SLC30A9: variants seen among roughly 807,000 people sequenced by gnomAD.
The protein encoded by SLC30A9 is solute carrier family 30 member 9.
In SLC30A9, 58 loss-of-function variants were observed where a neutral mutation model predicts 87.5. That is an observed-to-expected ratio of 0.66 (90% CI 0.54 to 0.82). SLC30A9 has a LOEUF of 0.82. Among genes scored for constraint, SLC30A9 ranks in the 40% least tolerant of loss-of-function variants. The probability of loss-of-function intolerance (pLI) is 0.00; values close to 1 mark genes in which losing one functional copy is unlikely to be tolerated. For missense variants in SLC30A9, 557 were observed against 679.1 expected (o/e 0.82, Z 2.00); for synonymous variants, 234 against 233.0 (o/e 1.00, Z -0.04).
At chr4:41,994,370 A>G (rs1004254727) in intron 1 of SLC30A9, among the ~76,000 whole-genome samples, 1 of 152,038 alleles carries the variant, frequency 6.6e-6, no homozygotes, top group African/African-American at 2.4e-5. Flanking sequence ...TGTAGTAAGT[A>G]TATCCTTTTT....
At chr4:42,074,949 ATAAG>A (rs1718460536) in intron 15 of SLC30A9, among the ~76,000 whole-genome samples, 1 of 144,728 alleles carries the variant, frequency 6.9e-6, no homozygotes, top group Non-Finnish European at 1.5e-5. Flanking sequence ...TAGGAAATTG[ATAAG>A]TAGATATATG....
At position 42,070,671 on chromosome 4, in the gene SLC30A9, G is replaced by A. The variant is rs1718279974; in HGVS notation, c.1398G>A (p.Leu466=). Residue 466 remains leucine, a synonymous_variant, in exon 15 of 18, where the codon CTG becomes CTA. Coordinates refer to ENST00000264451, the MANE Select transcript of SLC30A9 (RefSeq NM_006345.4). ...AAGTACAACGGCTCACTGAACTCCT[G>A]GAGAATGACCCATCAGTAAGGTCAG... The part of the protein sequence containing the change: ...PEQVQRLTEL[L]ENDPSVRAIH... 1 of 1,613,578 alleles carries A rather than the reference G, an allele frequency of 6.2e-7. No homozygotes were observed. The highest frequency in any genetic ancestry group is 1.3e-5 in the African/African-American group (1 of 74,896).
At chr4:41,999,842 AG>A (rs1466279366) in intron 1 of SLC30A9, among the ~76,000 whole-genome samples, 3 of 152,062 alleles carry the variant, frequency 2.0e-5, no homozygotes, top group Non-Finnish European at 2.9e-5. Flanking sequence ...TTTGATATTA[AG>A]GTTTTTTTTT....
chr4:42,030,218 C>G, intron 6 of SLC30A9: 1 of 291,114 alleles, frequency 3.4e-6, no homozygotes, highest in South Asian at 5.8e-5. Flanking sequence ...ATGTATGGGA[C>G]CTACACTTAA....
intron 6 of SLC30A9, among the ~76,000 whole-genome samples, chr4:42,024,089 A>C (rs1210239450): frequency 1.3e-5 from 2 of 152,180 alleles, no homozygotes; most frequent in Non-Finnish European, 2.9e-5. Context: ...TTTTTTACAG[A>C]AGGGTCTATT....
intron 7 of SLC30A9, among the ~76,000 whole-genome samples, chr4:42,037,377 G>T (rs1413810675): frequency 3.4e-5 from 5 of 147,898 alleles, no homozygotes; most frequent in African/African-American, 1.2e-4. Context: ...TGCTCCTCTG[G>T]TATTTAATTT....
At chr4:42,060,753 AT>A (rs890965761) in intron 10 of SLC30A9, among the ~76,000 whole-genome samples, 18 of 152,072 alleles carry the variant, frequency 1.2e-4, no homozygotes, top group African/African-American at 3.4e-4. Flanking sequence ...TGATACAGAG[AT>A]TTTTTTCTAT....
Position 42,087,327 on chromosome 4 carries a change from AAT to A in SLC30A9, c.*1202_*1203del, listed in dbSNP as rs1295365184. ...CAAAACAACTCATAACATACTTTAA[AAT>A]GTTCAGGTAGCAGTGAGCATTGTTC... On this transcript the variant is annotated 3_prime_UTR_variant, in exon 18 of 18. Coordinates refer to ENST00000264451, the MANE Select transcript of SLC30A9 (RefSeq NM_006345.4). 1 of 152,184 alleles carries A rather than the reference AAT, an allele frequency of 6.6e-6. No individual in the cohort carries two copies. The highest frequency in any genetic ancestry group is 1.5e-5 in the Non-Finnish European group (1 of 68,028). 9.4% of individuals were successfully genotyped at this position (152,184 alleles called of 1,614,324 possible).
intron 16 of SLC30A9, among the ~76,000 whole-genome samples, chr4:42,076,005 CT>C (rs1392303017): frequency 6.6e-6 from 1 of 151,948 alleles, no homozygotes; most frequent in African/African-American, 2.4e-5. Flanking sequence ...TGCATTTAAT[CT>C]TTTTTTATCT....
chr4:42,035,628 G>T (rs1238737152), intron 7 of SLC30A9, among the ~76,000 whole-genome samples: 1 of 151,870 alleles, frequency 6.6e-6, no homozygotes, highest in Non-Finnish European at 1.5e-5. Context: ...CTCCCGAGCA[G>T]CTGGGACCAC....
intron 15 of SLC30A9, among the ~76,000 whole-genome samples, chr4:42,074,115 A>C (rs1718428919): frequency 6.6e-6 from 1 of 152,228 alleles, no homozygotes; most frequent in African/African-American, 2.4e-5. Context: ...AAAAAGAATA[A>C]ATGATATAGC....
chr4:42,000,603 TTA>T (rs1204273591), intron 1 of SLC30A9, among the ~76,000 whole-genome samples: 1 of 152,100 alleles, frequency 6.6e-6, no homozygotes, highest in Non-Finnish European at 1.5e-5. Flanking sequence ...TTATGTTCCC[TTA>T]TGTCCTTTGT....
At chr4:42,054,015 T>C (rs1717498615) in intron 9 of SLC30A9, among the ~76,000 whole-genome samples, 2 of 152,142 alleles carry the variant, frequency 1.3e-5, no homozygotes, top group South Asian at 4.1e-4. Context: ...TGTGTCTTCA[T>C]AGGAATATAT....
At position 42,075,716 on chromosome 4, in the gene SLC30A9, A is replaced by T; in HGVS notation, c.1478A>T (p.Glu493Val). The T allele has an allele frequency of 6.2e-7, 1 of 1,613,674 alleles. No individual in the cohort carries two copies. The change falls in exon 16 of 18, where the codon GAA becomes GTA. Residue 493 changes from glutamate (E) to valine (V), a missense_variant. Glu to Val is a moderately radical substitution (Grantham distance 121). Coordinates refer to ENST00000264451, the MANE Select transcript of SLC30A9 (RefSeq NM_006345.4). ...LGLGKVRFKAEVDFDGRVVTR... is the reference protein window; with the variant it reads ...LGLGKVRFKAVVDFDGRVVTR... ...TTAGGTAAAGTAAGATTTAAGGCAG[A>T]AGTAGATTTTGATGGGCGAGTTGTT... is the stretch of plus-strand genomic sequence containing the variant.
intron 2 of SLC30A9, among the ~76,000 whole-genome samples, chr4:42,005,647 C>A (rs2581447): frequency 6.6e-6 from 1 of 151,944 alleles, no homozygotes; most frequent in Non-Finnish European, 1.5e-5. Flanking sequence ...AATAGAAATC[C>A]GGGGAAAGCT....
intron 2 of SLC30A9, among the ~76,000 whole-genome samples, chr4:42,006,381 G>C (rs1341668592): frequency 6.6e-6 from 1 of 152,072 alleles, no homozygotes; most frequent in Non-Finnish European, 1.5e-5. Context: ...TACCTCCTTG[G>C]AGACATGAAA....
intron 6 of SLC30A9, among the ~76,000 whole-genome samples, chr4:42,033,809 T>TCA (rs1716558223): frequency 6.6e-6 from 1 of 152,184 alleles, no homozygotes; most frequent in Non-Finnish European, 1.5e-5. Context: ...TGATCTGACC[T>TCA]TGTGATCCAC....
chr4:42,050,942 A>C (rs1717360099), intron 9 of SLC30A9, among the ~76,000 whole-genome samples: 1 of 152,172 alleles, frequency 6.6e-6, no homozygotes, highest in South Asian at 2.1e-4. Context: ...TCCACAGAGG[A>C]AGGAGCTACA....
chr4:42,050,709 A>G (rs1387285194), intron 9 of SLC30A9, among the ~76,000 whole-genome samples: 3 of 152,228 alleles, frequency 2.0e-5, no homozygotes, highest in Admixed American at 6.5e-5. Flanking sequence ...CTTTTGCCAT[A>G]GACAACTAAA....
Sources: allele counts gnomAD v4.1 joint callset (sites outside exome capture counted in the v4.1 genomes callset), GRCh38; gene constraint gnomAD v4.1.1; transcripts MANE v1.5; gene names NCBI Gene and HGNC (gene_info 2026-07-23, HGNC 2026-07-21).